Variants in SNTG2 observed in about 807,000 individuals in gnomAD.
SNTG2 encodes syntrophin gamma 2, also known as gamma-2-syntrophin.
In SNTG2, 74 loss-of-function variants were observed where a neutral mutation model predicts 70.9. That is an observed-to-expected ratio of 1.04 (90% CI 0.86 to 1.27). The LOEUF is 1.27. Ranked by LOEUF, SNTG2 falls within the 50% of genes most tolerant of loss-of-function variation. SNTG2 has a pLI of 0.00. For missense variants in SNTG2, 717 were observed against 690.7 expected (o/e 1.04, Z -0.43); for synonymous variants, 278 against 273.8 (o/e 1.02, Z -0.15).
intron 4 of SNTG2, among the ~76,000 whole-genome samples, chr2:1,119,552 G>T (rs563777120): frequency 3.6e-5 from 5 of 140,506 alleles, no homozygotes; most frequent in Non-Finnish European, 4.6e-5. Flanking sequence ...TTAAAGGCTC[G>T]TTTTTTTTTT....
At chr2:1,325,180 G>A (rs1681709032) in intron 16 of SNTG2, among the ~76,000 whole-genome samples, 1 of 152,076 alleles carries the variant, frequency 6.6e-6, no homozygotes, top group Admixed American at 6.6e-5. Context: ...CTCCAGTCAA[G>A]TCCTATTACA....
intron 4 of SNTG2, among the ~76,000 whole-genome samples, chr2:1,105,388 G>A (rs1001261751): frequency 3.3e-5 from 5 of 152,138 alleles, no homozygotes; most frequent in Non-Finnish European, 7.4e-5. Context: ...TCCACCTTAG[G>A]TGCTTAGACA....
chr2:1,021,647 G>T (rs6548175), intron 1 of SNTG2, among the ~76,000 whole-genome samples: 46,270 of 150,524 alleles, frequency 0.31, 7,456 homozygotes, highest in African/African-American at 0.4. Context: ...GTGTCATCCA[G>T]ACTGAAGTGC....
At chr2:1,128,795 A>T (rs1358058719) in intron 4 of SNTG2, among the ~76,000 whole-genome samples, 5 of 152,070 alleles carry the variant, frequency 3.3e-5, no homozygotes, top group Admixed American at 3.3e-4. Flanking sequence ...TCCAGGGCTG[A>T]TAGCCATCAG....
intron 8 of SNTG2, among the ~76,000 whole-genome samples, chr2:1,179,111 T>C (rs934559714): frequency 1.3e-5 from 2 of 152,194 alleles, no homozygotes; most frequent in Admixed American, 1.3e-4. Context: ...GTAGTATTCT[T>C]TGATGGTAGT....
intron 12 of SNTG2, among the ~76,000 whole-genome samples, chr2:1,255,876 ATATATATAAATATATAT>A (rs1678054579): frequency 1.2e-4 from 4 of 34,488 alleles, no homozygotes; most frequent in African/African-American, 3.9e-4. Flanking sequence ...ATATATAAAT[ATATATATAAATATATAT>A]AAATATATAT....
chr2:1,130,424 A>C (rs1426547895), intron 4 of SNTG2, among the ~76,000 whole-genome samples: 2 of 152,182 alleles, frequency 1.3e-5, no homozygotes, highest in Non-Finnish European at 2.9e-5. Flanking sequence ...TTACATAATA[A>C]AATCTTTTTT....
intron 9 of SNTG2, among the ~76,000 whole-genome samples, chr2:1,236,969 G>A (rs1227943001): frequency 6.7e-6 from 1 of 149,054 alleles, no homozygotes; most frequent in Non-Finnish European, 1.5e-5. Context: ...TTCAGATAGG[G>A]TCTCACTCTG....
At chr2:1,276,127 G>A (rs1679254606) in intron 14 of SNTG2, among the ~76,000 whole-genome samples, 1 of 152,238 alleles carries the variant, frequency 6.6e-6, no homozygotes, top group South Asian at 2.1e-4. Flanking sequence ...ACACTGAAGT[G>A]CAAAGTGAAG....
At chr2:998,698 G>A (rs1030292261) in intron 1 of SNTG2, among the ~76,000 whole-genome samples, 1 of 152,014 alleles carries the variant, frequency 6.6e-6, no homozygotes, top group Non-Finnish European at 1.5e-5. Context: ...AAAAGTAAAA[G>A]TTTGGAAAAC....
chr2:951,040 G>C lies in SNTG2; in HGVS notation c.44G>C (p.Arg15Pro). 1 of 1,271,162 alleles carries C rather than the reference G, an allele frequency of 7.9e-7. No individual in the cohort carries two copies. Among genetic ancestry groups the C allele is most frequent in the Non-Finnish European group, 9.9e-7 (1 of 1,011,474 alleles). 78.7% of individuals were successfully genotyped at this position (1,271,162 alleles called of 1,614,324 possible). Reference protein sequence around the residue: ...GPPPPAASRGRQGCLLVPART... With the variant: ...GPPPPAASRGPQGCLLVPART... ...CCGCCCCCGGCCGCCTCCCGCGGACGCCAGGGCTGCCTGCTGGTACCTGCG... is the reference window on the plus strand; with the variant it reads ...CCGCCCCCGGCCGCCTCCCGCGGACCCCAGGGCTGCCTGCTGGTACCTGCG... The change falls in exon 1 of 17, where the codon CGC becomes CCC. Residue 15 changes from arginine (R) to proline (P), a missense_variant. Arg to Pro is a moderately radical substitution (Grantham distance 103, BLOSUM62 -2). Transcript: ENST00000308624.
intron 8 of SNTG2, among the ~76,000 whole-genome samples, chr2:1,203,422 C>T (rs1303698294): frequency 6.6e-6 from 1 of 151,580 alleles, no homozygotes; most frequent in African/African-American, 2.4e-5. Context: ...CTTTGGGAGG[C>T]AGAGGAGGGA....
intron 13 of SNTG2, among the ~76,000 whole-genome samples, chr2:1,262,232 T>A (rs1678451691): frequency 6.6e-6 from 1 of 151,946 alleles, no homozygotes; most frequent in South Asian, 2.1e-4. Context: ...GGGAAGGAGA[T>A]TAGGGCCATC....
intron 6 of SNTG2, chr2:1,159,278 T>TG (rs1198250900): frequency 2.6e-5 from 4 of 152,038 alleles, no homozygotes; most frequent in African/African-American, 2.4e-5. Context: ...TGTGTGTATG[T>TG]GGGGGGTGTA....
intron 8 of SNTG2, among the ~76,000 whole-genome samples, chr2:1,173,645 A>G (rs1671273930): frequency 6.6e-6 from 1 of 152,392 alleles, no homozygotes; most frequent in South Asian, 2.1e-4. Flanking sequence ...GAGAACCTGC[A>G]GCTCCCTGGG....
At chr2:1,023,577 ATCG>A (rs1268990065) in intron 1 of SNTG2, among the ~76,000 whole-genome samples, 1 of 152,186 alleles carries the variant, frequency 6.6e-6, no homozygotes, top group Admixed American at 6.5e-5. Context: ...TTATGGTTTC[ATCG>A]TCGAACATTT....
At chr2:1,274,649 C>T (rs1366080120) in intron 14 of SNTG2, among the ~76,000 whole-genome samples, 1 of 151,934 alleles carries the variant, frequency 6.6e-6, no homozygotes, top group Non-Finnish European at 1.5e-5. Context: ...GATGATTCTG[C>T]CCTGGATTTT....
intron 16 of SNTG2, 99 bp downstream of exon 16, chr2:1,316,474 A>C: frequency 2.4e-6 from 1 of 414,582 alleles, no homozygotes; most frequent in East Asian, 4.0e-5. Context: ...CCATGCACAC[A>C]AAAATAAACC....
At chr2:1,362,138 ACGAAGG>A (rs1661201527) in intron 16 of SNTG2, among the ~76,000 whole-genome samples, 1 of 151,512 alleles carries the variant, frequency 6.6e-6, no homozygotes, top group Non-Finnish European at 1.5e-5. Flanking sequence ...TAGAACTTCC[ACGAAGG>A]TCACCGACCC....
Sources: gnomAD v4.1 joint callset for allele counts (sites outside exome capture counted in the v4.1 genomes callset) on GRCh38, gnomAD v4.1.1 for gene constraint, MANE v1.5 for transcripts, NCBI Gene and HGNC (gene_info 2026-07-23, HGNC 2026-07-21) for gene names.